GABRB3: variants seen among roughly 807,000 people sequenced by gnomAD.
GABRB3 encodes gamma-aminobutyric acid type A receptor subunit beta3.
A neutral mutation model predicts 52.1 loss-of-function variants in GABRB3; 14 were observed. The observed-to-expected ratio is 0.27, with a 90% confidence interval of 0.18 to 0.42. The LOEUF (loss-of-function observed/expected upper bound fraction) is 0.42. Ranked by LOEUF, GABRB3 falls within the 10% of genes least tolerant of loss-of-function variation. GABRB3 has a pLI of 1.00. For synonymous variants in GABRB3, 260 were observed against 232.3 expected (o/e 1.12, Z -1.08); for missense variants, 307 against 609.1 (o/e 0.50, Z 5.22).
At position 26,727,725 on chromosome 15, in the gene GABRB3, C is replaced by T. The variant is rs557603919; in HGVS notation, c.240+44677G>A. Among the ~76,000 whole-genome samples the T allele has an allele frequency of 2.6e-5, 4 of 152,280 alleles. No homozygotes were observed. The South Asian group carries it at 6.2e-4, about 24-fold the overall frequency. On this transcript the variant is annotated intron_variant, in intron 3 of 8. Transcript: ENST00000311550. The stretch of plus-strand genomic sequence containing the variant: ...ACCTCTGAGTCCATTTACACACAGC[C>T]ACATCCATTTCTCTATCTCTCTCTG...
intron 3 of GABRB3, among the ~76,000 whole-genome samples, chr15:26,706,227 A>C (rs1051718697): frequency 5.3e-5 from 8 of 152,214 alleles, no homozygotes; most frequent in African/African-American, 1.9e-4. Context: ...CAGCACAAAA[A>C]TTGAACCTGG....
intron 3 of GABRB3, among the ~76,000 whole-genome samples, chr15:26,722,621 TCC>T (rs372667129): frequency 6.6e-6 from 1 of 152,302 alleles, no homozygotes; most frequent in East Asian, 1.9e-4. Flanking sequence ...AGCATTGTCG[TCC>T]CTAAGTATCT....
At chr15:26,670,160 C>G (rs1172723426) in intron 3 of GABRB3, among the ~76,000 whole-genome samples, 4 of 152,224 alleles carry the variant, frequency 2.6e-5, no homozygotes, top group Non-Finnish European at 5.9e-5. Flanking sequence ...GCGGAGACCG[C>G]TACGCCCCAA....
At chr15:26,556,173 A>T (rs1889743638) in intron 8 of GABRB3, among the ~76,000 whole-genome samples, 1 of 152,168 alleles carries the variant, frequency 6.6e-6, no homozygotes. Flanking sequence ...AGAACCATTG[A>T]TTTCAATGAA....
chr15:26,762,445 G>T (rs374309017), intron 3 of GABRB3, among the ~76,000 whole-genome samples: 6 of 151,970 alleles, frequency 3.9e-5, no homozygotes, highest in African/African-American at 1.4e-4. Flanking sequence ...CAATCCTTTA[G>T]CCCCATATTT....
intron 4 of GABRB3, among the ~76,000 whole-genome samples, chr15:26,593,036 T>C (rs1485989484): frequency 6.6e-6 from 1 of 151,926 alleles, no homozygotes; most frequent in Admixed American, 6.6e-5. Context: ...ACAAAAAAAA[T>C]TCAGATTCTG....
intron 7 of GABRB3, among the ~76,000 whole-genome samples, chr15:26,566,726 T>C (rs983913869): frequency 5.9e-5 from 9 of 151,890 alleles, no homozygotes; most frequent in Non-Finnish European, 7.4e-5. Flanking sequence ...AGTGAGACTC[T>C]GTCTCAAAAA....
At chr15:26,726,413 T>C (rs1362968372) in intron 3 of GABRB3, among the ~76,000 whole-genome samples, 1 of 152,192 alleles carries the variant, frequency 6.6e-6, no homozygotes, top group Non-Finnish European at 1.5e-5. Context: ...ACAAGTCTTA[T>C]TTGAATGTCA....
chr15:26,749,562 C>G (rs1890444657), intron 3 of GABRB3, among the ~76,000 whole-genome samples: 1 of 151,948 alleles, frequency 6.6e-6, no homozygotes, highest in Non-Finnish European at 1.5e-5. Flanking sequence ...TTTGGTTCTT[C>G]TGTATGTTGG....
intron 4 of GABRB3, among the ~76,000 whole-genome samples, chr15:26,591,726 C>T (rs1891213599): frequency 6.6e-6 from 1 of 152,238 alleles, no homozygotes; most frequent in African/African-American, 2.4e-5. Context: ...CTCCAACTAT[C>T]TGGATCTAAT....
intron 3 of GABRB3, among the ~76,000 whole-genome samples, chr15:26,764,182 ATATATATATATATATATAT>A (rs1890927259): frequency 1.8e-3 from 8 of 4,564 alleles, no homozygotes; most frequent in African/African-American, 4.9e-3. Flanking sequence ...AAAAAAAAAT[ATATATATATATATATATAT>A]ATATATATAT....
chr15:26,705,261 C>T (rs1236522109), intron 3 of GABRB3, among the ~76,000 whole-genome samples: 1 of 152,186 alleles, frequency 6.6e-6, no homozygotes, highest in Non-Finnish European at 1.5e-5. Context: ...AACCAACTGC[C>T]TTTATCAAGC....
chr15:26,570,690 C>T (rs1326860972), intron 6 of GABRB3, among the ~76,000 whole-genome samples: 2 of 152,204 alleles, frequency 1.3e-5, no homozygotes, highest in Non-Finnish European at 2.9e-5. Context: ...TGACTCACAT[C>T]CCAGTTTTGA....
chr15:26,574,375 C>T (rs1423182499), intron 6 of GABRB3, among the ~76,000 whole-genome samples: 1 of 152,074 alleles, frequency 6.6e-6, no homozygotes, highest in African/African-American at 2.4e-5. Flanking sequence ...GGATGTTACC[C>T]TATATGACCC....
At chr15:26,548,238 C>T (rs943923553) in intron 8 of GABRB3, 104 bp from the exon 9 acceptor site, 10 of 916,878 alleles carry the variant, frequency 1.1e-5, no homozygotes, top group African/African-American at 3.2e-5. Context: ...GCATGTTTTA[C>T]GAGAAACTGT....
At chr15:26,747,951 GCTTTTTTTTTT>G (rs1372749120) in intron 3 of GABRB3, among the ~76,000 whole-genome samples, 1 of 34,092 alleles carries the variant, frequency 2.9e-5, no homozygotes, top group Non-Finnish European at 5.1e-5. Context: ...TTTTTCAAAT[GCTTTTTTTTTT>G]TTTTTTTTTT....
chr15:26,678,062 G>T (rs1005071048), intron 3 of GABRB3, among the ~76,000 whole-genome samples: 15 of 152,198 alleles, frequency 9.9e-5, no homozygotes. Context: ...AACAGAGTGG[G>T]TGTCGCACCA....
chr15:26,550,496 G>C (rs963147821), intron 8 of GABRB3, among the ~76,000 whole-genome samples: 1 of 152,212 alleles, frequency 6.6e-6, no homozygotes, highest in Non-Finnish European at 1.5e-5. Context: ...AATAACAGGT[G>C]CTGGCAAGAC....
chr15:26,626,983 C>G (rs1892723572), intron 3 of GABRB3, among the ~76,000 whole-genome samples: 1 of 152,186 alleles, frequency 6.6e-6, no homozygotes, highest in Non-Finnish European at 1.5e-5. Context: ...AAGTCATTGT[C>G]TGGCTTCGGA....
Sources: allele counts gnomAD v4.1 joint callset (sites outside exome capture counted in the v4.1 genomes callset), GRCh38; gene constraint gnomAD v4.1.1; transcripts MANE v1.5; gene names NCBI Gene and HGNC (gene_info 2026-07-23, HGNC 2026-07-21).